JAKMIP2: variants seen among roughly 807,000 people sequenced by gnomAD.
JAKMIP2 encodes the protein janus kinase and microtubule-interacting protein 2.
In JAKMIP2, 25 loss-of-function variants were observed where a neutral mutation model predicts 115.0. That is an observed-to-expected ratio of 0.22 (90% CI 0.16 to 0.30). JAKMIP2 has a LOEUF of 0.30. Among genes scored for constraint, JAKMIP2 ranks in the 10% least tolerant of loss-of-function variants. The pLI, the probability that JAKMIP2 is intolerant of heterozygous loss-of-function variation, is 1.00. For synonymous variants in JAKMIP2, 334 were observed against 343.6 expected, an observed-to-expected ratio of 0.97 and a Z score of 0.31; for missense variants, 642 against 957.6, an observed-to-expected ratio of 0.67 and a Z score of 4.35.
chr5:147,644,027 A>G, intron 7 of JAKMIP2, 31 bp downstream of exon 7: 2 of 1,507,442 alleles, frequency 1.3e-6, no homozygotes, highest in Non-Finnish European at 1.8e-6. Flanking sequence ...CTTGGGAACA[A>G]CTTAGGGTTT....
At chr5:147,701,336 T>A (rs941583425) in intron 1 of JAKMIP2, among the ~76,000 whole-genome samples, 1 of 152,146 alleles carries the variant, frequency 6.6e-6, no homozygotes, top group East Asian at 1.9e-4. Flanking sequence ...TCATAGTTAG[T>A]GCAAGTAAGA....
chr5:147,732,719 A>G (rs1480653311), intron 1 of JAKMIP2, among the ~76,000 whole-genome samples: 9 of 152,334 alleles, frequency 5.9e-5, no homozygotes, highest in East Asian at 1.9e-4. Flanking sequence ...TGCTTTCACT[A>G]TATTATTTCA....
At chr5:147,762,719 T>C (rs1430055286) in intron 1 of JAKMIP2, among the ~76,000 whole-genome samples, 2 of 152,156 alleles carry the variant, frequency 1.3e-5, no homozygotes, top group African/African-American at 2.4e-5. Flanking sequence ...CTTCAACATA[T>C]GAATTTGGGG....
chr5:147,750,594 A>ACACACACACACACAC (rs1561575467), intron 1 of JAKMIP2, among the ~76,000 whole-genome samples: 6 of 151,320 alleles, frequency 4.0e-5, no homozygotes, highest in Admixed American at 6.6e-5. Flanking sequence ...ACACACACAC[A>ACACACACACACACAC]AAAGAAACCT....
At chr5:147,658,017 A>G (rs992621125) in intron 3 of JAKMIP2, among the ~76,000 whole-genome samples, 2 of 151,970 alleles carry the variant, frequency 1.3e-5, no homozygotes, top group African/African-American at 4.8e-5. Context: ...CAACTTGTCC[A>G]TCTCATCCTC....
rs147717962 is a variant in JAKMIP2, at chr5:147,661,399, C to T, written c.176G>A (p.Arg59His). The T allele has an allele frequency of 5.6e-6, 9 of 1,613,774 alleles. No homozygotes were observed. Among genetic ancestry groups the T allele is most frequent in the African/African-American group, 4.0e-5 (3 of 74,898 alleles). Residue 59 changes from arginine to histidine, a missense_variant, in exon 3 of 22, where the codon CGT becomes CAT. By Grantham distance (29) the Arg-to-His change is conservative. Coordinates refer to ENST00000616793, the MANE Select transcript of JAKMIP2 (RefSeq NM_001270941.2). ...REKTQEAKRI[R>H]ELEQRKHTVL... ...CGTGTGCTTGCGCTGCTCCAGCTCA[C>T]GAATCCTCTTCGCTTCTTGAGTCTT...
intron 1 of JAKMIP2, among the ~76,000 whole-genome samples, chr5:147,682,201 A>G (rs1760322053): frequency 3.3e-5 from 5 of 152,186 alleles, no homozygotes; most frequent in Admixed American, 2.6e-4. Flanking sequence ...GAGAATAAGA[A>G]TGATGCTCTG....
chr5:147,748,749 C>T (rs1754444864), intron 1 of JAKMIP2, among the ~76,000 whole-genome samples: 1 of 152,160 alleles, frequency 6.6e-6, no homozygotes, highest in Non-Finnish European at 1.5e-5. Context: ...AAATGGCACA[C>T]CTAGCCCTAA....
chr5:147,608,891 G>A (rs114906228), intron 20 of JAKMIP2, among the ~76,000 whole-genome samples: 17,342 of 152,056 alleles, frequency 0.11, 1,342 homozygotes, highest in South Asian at 0.27. Context: ...AGGATAGTTC[G>A]CTCTTCTTGT....
chr5:147,602,703 A>T (rs6870396), intron 20 of JAKMIP2, among the ~76,000 whole-genome samples: 142,927 of 152,240 alleles, frequency 0.94, 67,613 homozygotes, highest in Non-Finnish European at 1. Context: ...TAAAAAAAAT[A>T]ATTGATTTCC....
intron 1 of JAKMIP2, among the ~76,000 whole-genome samples, chr5:147,724,432 A>G (rs56069957): frequency 0.029 from 4,470 of 152,266 alleles, 247 homozygotes; most frequent in African/African-American, 0.1. Flanking sequence ...TTCTTCAATA[A>G]CATAATAACA....
intron 1 of JAKMIP2, among the ~76,000 whole-genome samples, chr5:147,716,621 T>C (rs1216760426): frequency 6.6e-6 from 1 of 151,806 alleles, no homozygotes; most frequent in Non-Finnish European, 1.5e-5. Context: ...TTTCATGTGT[T>C]TTTTGGCTGC....
At chr5:147,639,809 C>T (rs908505904) in intron 9 of JAKMIP2, 49 bp from the exon 10 acceptor site, 1 of 1,588,002 alleles carries the variant, frequency 6.3e-7, no homozygotes, top group Non-Finnish European at 8.5e-7. Context: ...ATGTTCAGGT[C>T]CTGTTTTCAA....
chr5:147,700,567 A>T (rs1752284334), intron 1 of JAKMIP2, among the ~76,000 whole-genome samples: 2 of 152,190 alleles, frequency 1.3e-5, no homozygotes, highest in South Asian at 4.1e-4. Context: ...AGGAGATATA[A>T]CAGCAGCTTT....
At position 147,671,973 on chromosome 5, in the gene JAKMIP2, A is replaced by C; in HGVS notation, c.-148-19T>G. 8.0e-7 allele frequency: 1 copy of C among 1,256,740 alleles called. No individual in the cohort carries two copies. The highest frequency in any genetic ancestry group is 1.5e-5 in the African/African-American group (1 of 65,008). 77.8% of individuals were successfully genotyped at this position (1,256,740 alleles called of 1,614,324 possible). ...GGAAGCCCTGAGAAGAGGCAGAGAT[A>C]GTAGTTATTGTTTTGGCAAAGACCT... is the stretch of plus-strand genomic sequence containing the variant. On this transcript the variant is annotated intron_variant, in intron 1 of 21. Transcript: ENST00000616793.
intron 1 of JAKMIP2, among the ~76,000 whole-genome samples, chr5:147,684,683 T>C (rs10515589): frequency 4.2e-4 from 64 of 152,220 alleles, no homozygotes; most frequent in Middle Eastern, 6.8e-3. Flanking sequence ...GGTAGTGAAT[T>C]TTTACTTGGT....
intron 1 of JAKMIP2, among the ~76,000 whole-genome samples, chr5:147,674,811 G>A (rs1034858332): frequency 5.3e-5 from 8 of 152,188 alleles, no homozygotes; most frequent in Middle Eastern, 3.2e-3. Flanking sequence ...ATCTGAGACC[G>A]GGAACCAAGC....
intron 20 of JAKMIP2, among the ~76,000 whole-genome samples, chr5:147,604,983 A>AC (rs1231494389): frequency 2.0e-5 from 3 of 147,972 alleles, no homozygotes; most frequent in Non-Finnish European, 4.5e-5. Flanking sequence ...CTTGCTCCCC[A>AC]CCCCCCGACA....
chr5:147,770,575 G>A (rs1178062484), intron 1 of JAKMIP2, among the ~76,000 whole-genome samples: 1 of 152,044 alleles, frequency 6.6e-6, no homozygotes, highest in Non-Finnish European at 1.5e-5. Context: ...CCACGTAAAT[G>A]ATAAGACCAC....
Sources: allele counts gnomAD v4.1 joint callset (sites outside exome capture counted in the v4.1 genomes callset), GRCh38; gene constraint gnomAD v4.1.1; transcripts MANE v1.5; gene names NCBI Gene and HGNC (gene_info 2026-07-23, HGNC 2026-07-21).